The following EDARADD variants were observed in gnomAD, a reference collection of about 807,000 sequenced individuals.
EDARADD encodes EDAR associated via death domain, also known as ectodysplasin-A receptor-associated adapter protein.
A neutral mutation model predicts 25.6 loss-of-function variants in EDARADD; 20 were observed. The ratio of observed to expected loss-of-function variants is 0.78; its 90% confidence interval spans 0.55 to 1.14. The LOEUF is 1.14. Among genes scored for constraint, EDARADD ranks in the 50% most tolerant of loss-of-function variants. The pLI is 0.00. For missense variants in EDARADD, 225 were observed against 270.1 expected (o/e 0.83, Z 1.17); for synonymous variants, 86 against 94.4 (o/e 0.91, Z 0.52).
In EDARADD at chr1:236,427,427, C is replaced by T. The variant is rs766500689; in HGVS notation, c.196C>T (p.Arg66Ter). 1.4e-5 allele frequency: 23 copies of T among 1,611,398 alleles called. No individual in the cohort carries two copies. Among genetic ancestry groups the T allele is most frequent in the Non-Finnish European group, 1.9e-5 (22 of 1,179,076 alleles). Residue 66 changes from arginine to a stop codon, truncating the protein, a stop_gained, in exon 4 of 6, where the codon CGA (arginine) becomes TGA (stop). Transcript: ENST00000334232. LOFTEE classifies it high-confidence loss of function. Reference sequence around the variant, plus strand: ...TGATACAATTACTTTGAACTGCCCACGAAATTCAGATATGAAAAATCAGGT... The same window carrying T: ...TGATACAATTACTTTGAACTGCCCATGAAATTCAGATATGAAAAATCAGGT... ...ECDTITLNCPRNSDMKNQGEE... is the reference protein window; with the variant it reads ...ECDTITLNCP
At chr1:236,370,356 G>A (rs574810142) in intron 3 of EDARADD, among the ~76,000 whole-genome samples, 1 of 152,108 alleles carries the variant, frequency 6.6e-6, no homozygotes, top group Non-Finnish European at 1.5e-5. Flanking sequence ...GGGAGGCAGA[G>A]GTTGCGGTGA....
chr1:236,399,192 A>T (rs1471198292), intron 1 of EDARADD, among the ~76,000 whole-genome samples: 1 of 151,936 alleles, frequency 6.6e-6, no homozygotes, highest in Non-Finnish European at 1.5e-5. Flanking sequence ...TTATTTATTA[A>T]TTTTTTTGAG....
intron 4 of EDARADD, among the ~76,000 whole-genome samples, chr1:236,466,940 G>A (rs1659209750): frequency 6.6e-6 from 1 of 152,126 alleles, no homozygotes; most frequent in African/African-American, 2.4e-5. Context: ...GGTGGCGGGT[G>A]GCTGTAGTCC....
chr1:236,355,462 T>TTCTC (rs1376518525), intron 3 of EDARADD, among the ~76,000 whole-genome samples: 1 of 151,170 alleles, frequency 6.6e-6, no homozygotes, highest in Non-Finnish European at 1.5e-5. Flanking sequence ...TGCTTATTCT[T>TTCTC]ACATTTCCCA....
At chr1:236,428,997 G>A (rs867269655) in intron 4 of EDARADD, among the ~76,000 whole-genome samples, 2 of 152,146 alleles carry the variant, frequency 1.3e-5, no homozygotes, top group South Asian at 2.1e-4. Flanking sequence ...CCAGTCAGGC[G>A]TTGCGACGCG....
rs573596795 is a variant in EDARADD at position 236,377,373 on chromosome 1, C to G, written c.-6+26534C>G. ...TTTTTGCCATGTCGGCCAGGCTGGTCTCAAACTCCTGACCTCAAGCTATCT... is the reference window on the plus strand; with the variant it reads ...TTTTTGCCATGTCGGCCAGGCTGGTGTCAAACTCCTGACCTCAAGCTATCT... On this transcript the variant is annotated intron_variant, in intron 3 of 7. Transcript: ENST00000439430. Among the ~76,000 whole-genome samples, 43 of 150,062 alleles carry G rather than the reference C, an allele frequency of 2.9e-4. 1 individual carries two copies. The South Asian group carries it at 8.4e-3, about 29-fold the overall frequency.
chr1:236,356,757 A>G (rs1279606593), intron 3 of EDARADD, among the ~76,000 whole-genome samples: 1 of 61,732 alleles, frequency 1.6e-5, no homozygotes, highest in East Asian at 5.6e-4. Flanking sequence ...AAAACAAAAC[A>G]AAAAAAAAAA....
intron 1 of EDARADD, among the ~76,000 whole-genome samples, chr1:236,403,176 G>A (rs1252088389): frequency 1.5e-4 from 23 of 152,072 alleles, no homozygotes; most frequent in Admixed American, 1.4e-3. Flanking sequence ...GGCTGGTCTC[G>A]AACTTCTGAC....
intron 4 of EDARADD, among the ~76,000 whole-genome samples, chr1:236,430,311 A>G (rs1387694675): frequency 6.6e-6 from 1 of 152,246 alleles, no homozygotes; most frequent in Non-Finnish European, 1.5e-5. Flanking sequence ...TGTTCTTCTC[A>G]TAATCCTAAT....
chr1:236,411,969 G>A (rs1657499222), intron 2 of EDARADD, among the ~76,000 whole-genome samples: 1 of 152,148 alleles, frequency 6.6e-6, no homozygotes, highest in African/African-American at 2.4e-5. Flanking sequence ...CTGAGGAACT[G>A]GGGGTTAGGA....
chr1:236,388,418 G>GA (rs1157235933), intron 3 of EDARADD, among the ~76,000 whole-genome samples: 2 of 152,134 alleles, frequency 1.3e-5, no homozygotes, highest in African/African-American at 4.8e-5. Context: ...TATGTTCCAA[G>GA]AAAGTCTTGT....
At chr1:236,425,319 A>T (rs948834670) in intron 3 of EDARADD, among the ~76,000 whole-genome samples, 1 of 152,246 alleles carries the variant, frequency 6.6e-6, no homozygotes, top group East Asian at 1.9e-4. Flanking sequence ...GTGTACCTCG[A>T]TGCCCCTGGG....
At chr1:236,468,193 G>C in intron 4 of EDARADD, 38 bp from the exon 5 acceptor site, 1 of 1,592,510 alleles carries the variant, frequency 6.3e-7, no homozygotes, top group East Asian at 2.2e-5. Flanking sequence ...ATTCACATTT[G>C]GATATGATTT....
rs146661697 is a variant in EDARADD at position 236,361,635 on chromosome 1, T to TTA, written c.-6+10810_-6+10811dup. On this transcript the variant is annotated intron_variant, in intron 3 of 7. Transcript: ENST00000439430. Reference sequence around the variant, plus strand: ...GTGAGCCACCACGCACAGCCAAATTTTATATATATATATATTCCTTCATAC... The same window carrying TTA: ...GTGAGCCACCACGCACAGCCAAATTTTATATATATATATATATTCCTTCATAC... Among the ~76,000 whole-genome samples the TTA allele has an allele frequency of 8.2e-5, 11 of 134,206 alleles. 1 individual carries two copies. Among genetic ancestry groups the TTA allele is most frequent in the African/African-American group, 1.2e-4 (4 of 32,582 alleles). 88.0% of individuals were successfully genotyped at this position (134,206 alleles called of 152,430 possible). A position where few individuals can be genotyped will look rare whatever the true frequency, so the allele number is the denominator to read the frequency against.
chr1:236,414,666 G>A (rs1657587551), intron 3 of EDARADD, among the ~76,000 whole-genome samples: 1 of 152,090 alleles, frequency 6.6e-6, no homozygotes, highest in Admixed American at 6.5e-5. Context: ...AGGCGCGGTG[G>A]CTCGCACCTG....
intron 3 of EDARADD, among the ~76,000 whole-genome samples, chr1:236,373,981 C>A (rs981707994): frequency 5.3e-5 from 8 of 152,158 alleles, no homozygotes; most frequent in East Asian, 3.9e-4. Context: ...TTCCAGATAT[C>A]TTTTTATTAT....
chr1:236,478,811 C>T (rs947362481), intron 5 of EDARADD, among the ~76,000 whole-genome samples: 1 of 152,170 alleles, frequency 6.6e-6, no homozygotes, highest in East Asian at 1.9e-4. Context: ...TGGTCTCCAT[C>T]TGCTGACCTC....
chr1:236,364,892 T>G (rs1667093696), intron 3 of EDARADD, among the ~76,000 whole-genome samples: 1 of 152,226 alleles, frequency 6.6e-6, no homozygotes, highest in African/African-American at 2.4e-5. Flanking sequence ...TTGGCTTGAT[T>G]CCACTGGCAA....
intron 2 of EDARADD, among the ~76,000 whole-genome samples, chr1:236,410,243 T>C (rs1426167143): frequency 6.6e-6 from 1 of 150,908 alleles, no homozygotes; most frequent in Non-Finnish European, 1.5e-5. Context: ...TGAGCCCTCC[T>C]CCCACCCTCC....
Sources: gnomAD v4.1 joint callset for allele counts (sites outside exome capture counted in the v4.1 genomes callset) on GRCh38, gnomAD v4.1.1 for gene constraint, MANE v1.5 for transcripts, NCBI Gene and HGNC (gene_info 2026-07-23, HGNC 2026-07-21) for gene names.